Variants in ULK4 observed in about 807,000 individuals in gnomAD.
ULK4 encodes unc-51 like kinase 4.
ULK4 carries 133 observed loss-of-function variants against 160.6 expected under a neutral mutation model. The observed-to-expected ratio is 0.83, with a 90% CI of 0.72 to 0.96. The LOEUF is 0.96. ULK4 is among the 40% of genes least tolerant of loss of function. The pLI is 0.00. For missense variants in ULK4, 1,580 were observed against 1,499.5 expected (o/e 1.05, Z -0.89); for synonymous variants, 534 against 539.8 (o/e 0.99, Z 0.15).
intron 21 of ULK4, among the ~76,000 whole-genome samples, chr3:41,766,130 G>T (rs191054221): frequency 6.6e-6 from 1 of 152,132 alleles, no homozygotes; most frequent in Admixed American, 6.5e-5. Flanking sequence ...TCAGCCAGGC[G>T]TGGTGGCAGG....
At chr3:41,606,913 CT>C (rs1437619797) in intron 31 of ULK4, among the ~76,000 whole-genome samples, 2 of 152,034 alleles carry the variant, frequency 1.3e-5, no homozygotes, top group Non-Finnish European at 2.9e-5. Flanking sequence ...TACAGGTTGT[CT>C]CTTCGTCCTG....
chr3:41,854,156 T>A (rs2042280478), intron 17 of ULK4: 1 of 152,196 alleles, frequency 6.6e-6, no homozygotes, highest in Non-Finnish European at 1.5e-5. Context: ...AACACCAACA[T>A]GCCATCAATG....
At chr3:41,546,098 GA>G in intron 32 of ULK4, among the ~76,000 whole-genome samples, 1 of 152,088 alleles carries the variant, frequency 6.6e-6, no homozygotes. Flanking sequence ...TGTTTCAGCT[GA>G]CATTTTATTA....
chr3:41,641,268 A>T (rs1263811030), intron 30 of ULK4, among the ~76,000 whole-genome samples: 1 of 152,226 alleles, frequency 6.6e-6, no homozygotes, highest in African/African-American at 2.4e-5. Context: ...GATATACAAC[A>T]TCTAAGCCAT....
At chr3:41,550,479 G>A (rs968337799) in intron 32 of ULK4, among the ~76,000 whole-genome samples, 1 of 151,828 alleles carries the variant, frequency 6.6e-6, no homozygotes, top group Non-Finnish European at 1.5e-5. Context: ...GCAAGCAAAA[G>A]TAGCTACATT....
At position 41,958,685 on chromosome 3, in the gene ULK4, C is replaced by G. The variant is rs767589429; in HGVS notation, c.-49+3331G>C. ...GAACTGAGATTGCACCATTGCACTC[C>G]AGCCTGGGTGACAAGAGTGAAACTG... On this transcript the variant is annotated intron_variant, in intron 1 of 36. Coordinates refer to ENST00000301831, the MANE Select transcript of ULK4 (RefSeq NM_017886.4). 2.0e-5 allele frequency among the ~76,000 whole-genome samples: 3 copies of G among 150,348 alleles called. No individual in the cohort carries two copies. In the East Asian group the frequency reaches 5.8e-4, roughly 29 times the overall value.
chr3:41,742,065 G>A (rs1261442023), intron 22 of ULK4, among the ~76,000 whole-genome samples: 3 of 151,884 alleles, frequency 2.0e-5, no homozygotes, highest in Non-Finnish European at 4.4e-5. Context: ...GCCCTGCTCT[G>A]ACAACACACC....
At chr3:41,879,202 G>T in intron 17 of ULK4, among the ~76,000 whole-genome samples, 1 of 152,010 alleles carries the variant, frequency 6.6e-6, no homozygotes, top group East Asian at 1.9e-4. Context: ...AACACTAACT[G>T]GGTATTAGAT....
chr3:41,506,767 A>AATATATATATATATAT lies in ULK4; in HGVS notation c.3227-43530_3227-43515dup, dbSNP rs71075470. Among the ~76,000 whole-genome samples the AATATATATATATATAT allele has an allele frequency of 2.3e-3, 133 of 56,744 alleles. 6 individuals carry two copies. Among genetic ancestry groups the AATATATATATATATAT allele is most frequent in the African/African-American group, 7.1e-3 (87 of 12,216 alleles). 37.2% of individuals were successfully genotyped at this position (56,744 alleles called of 152,430 possible). On this transcript the variant is annotated intron_variant, in intron 32 of 36. Coordinates refer to ENST00000301831, the MANE Select transcript of ULK4 (RefSeq NM_017886.4). The stretch of plus-strand genomic sequence containing the variant: ...AGCAATACACTGGAGTGTGATTTAA[A>AATATATATATATATAT]ATATATATATATATATATATATATA...
At chr3:41,873,607 G>A (rs569179239) in intron 17 of ULK4, among the ~76,000 whole-genome samples, 303 of 152,218 alleles carry the variant, frequency 2.0e-3, no homozygotes, top group African/African-American at 7.0e-3. Flanking sequence ...AGGCTAGAGC[G>A]CAGTTGTGCG....
intron 35 of ULK4, among the ~76,000 whole-genome samples, chr3:41,327,125 A>G (rs924899651): frequency 3.9e-5 from 6 of 152,110 alleles, no homozygotes; most frequent in Non-Finnish European, 8.8e-5. Context: ...TCTTTTGGTG[A>G]AATGACTTTT....
At chr3:41,770,792 C>A (rs2039329936) in intron 21 of ULK4, among the ~76,000 whole-genome samples, 1 of 152,190 alleles carries the variant, frequency 6.6e-6, no homozygotes, top group Admixed American at 6.5e-5. Context: ...GGATTACAGG[C>A]ATGAGCCAAG....
At chr3:41,837,540 T>C (rs998801163) in intron 17 of ULK4, among the ~76,000 whole-genome samples, 1 of 151,958 alleles carries the variant, frequency 6.6e-6, no homozygotes, top group African/African-American at 2.4e-5. Context: ...TTGAGATTCA[T>C]CCATGTTGCT....
chr3:41,841,835 T>C (rs536794518), intron 17 of ULK4, among the ~76,000 whole-genome samples: 2 of 152,316 alleles, frequency 1.3e-5, no homozygotes, highest in Non-Finnish European at 2.9e-5. Flanking sequence ...TCTGTAACCT[T>C]ACCCCCAACC....
intron 32 of ULK4, among the ~76,000 whole-genome samples, 182 bp downstream of exon 32, chr3:41,565,843 A>G (rs2087762520): frequency 6.6e-6 from 1 of 152,194 alleles, no homozygotes; most frequent in South Asian, 2.1e-4. Context: ...TATGCCATTA[A>G]GAGAATGAAT....
At chr3:41,673,588 G>A (rs1036233698) in intron 29 of ULK4, among the ~76,000 whole-genome samples, 19 of 152,232 alleles carry the variant, frequency 1.2e-4, no homozygotes, top group Admixed American at 1.2e-3. Context: ...TTCCCCGGGA[G>A]AGAAATGTTT....
At chr3:41,629,132 TATGAAGTTCATGGATTCTGTGGGTC>T (rs1345356801) in intron 30 of ULK4, among the ~76,000 whole-genome samples, 1 of 152,338 alleles carries the variant, frequency 6.6e-6, no homozygotes, top group East Asian at 1.9e-4. Flanking sequence ...ATAACCATTT[TATGAAGTTCATGGATTCTGTGGGTC>T]ATGAATTTCG....
intron 22 of ULK4, among the ~76,000 whole-genome samples, chr3:41,724,162 T>C (rs2037566269): frequency 6.6e-6 from 1 of 152,236 alleles, no homozygotes; most frequent in Non-Finnish European, 1.5e-5. Context: ...TCTTTTTCAT[T>C]GCTGTGTAGT....
intron 11 of ULK4, 105 bp from the exon 12 acceptor site, chr3:41,908,046 T>C (rs551701279): frequency 4.2e-5 from 26 of 614,634 alleles, no homozygotes; most frequent in Admixed American, 2.4e-4. Flanking sequence ...TAGAGTATGA[T>C]GATTCCATAT....
Sources: allele counts gnomAD v4.1 joint callset (sites outside exome capture counted in the v4.1 genomes callset), GRCh38; gene constraint gnomAD v4.1.1; transcripts MANE v1.5; gene names NCBI Gene and HGNC (gene_info 2026-07-23, HGNC 2026-07-21).